Variants in SRGAP3 observed in about 807,000 individuals in gnomAD.
The protein encoded by SRGAP3 is SLIT-ROBO Rho GTPase activating protein 3.
Under a neutral mutation model 121.1 loss-of-function variants are expected in SRGAP3, and 39 were observed. The ratio of observed to expected loss-of-function variants is 0.32; its 90% CI spans 0.25 to 0.42. The LOEUF (loss-of-function observed/expected upper bound fraction) is 0.42, where lower values mean the gene tolerates loss of function less well. Ranked by LOEUF, SRGAP3 falls within the 10% of genes least tolerant of loss-of-function variation. The pLI is 1.00. For synonymous variants in SRGAP3, 601 were observed against 570.0 expected (o/e 1.05, Z -0.77); for missense variants, 1,213 against 1,470.6 (o/e 0.82, Z 2.86).
At chr3:9,038,935 A>G (rs1184399748) in intron 10 of SRGAP3, among the ~76,000 whole-genome samples, 1 of 152,118 alleles carries the variant, frequency 6.6e-6, no homozygotes, top group Non-Finnish European at 1.5e-5. Flanking sequence ...CCTTCCAGCT[A>G]CATCCTCATT....
At chr3:9,013,203 G>T in intron 17 of SRGAP3, 105 bp downstream of exon 17, 1 of 1,112,390 alleles carries the variant, frequency 9.0e-7, no homozygotes, top group East Asian at 2.6e-5. Context: ...GTATATGGAA[G>T]CACCGACTAT....
intron 3 of SRGAP3, among the ~76,000 whole-genome samples, chr3:9,287,008 T>C (rs957235639): frequency 6.8e-6 from 1 of 146,874 alleles, no homozygotes; most frequent in African/African-American, 2.5e-5. Context: ...TTTTTTTTTT[T>C]TGGGACAGGG....
At chr3:9,252,833 C>A (rs1437547543), upstream of SRGAP3, among the ~76,000 whole-genome samples, 4 of 152,106 alleles carry the variant, frequency 2.6e-5, no homozygotes, top group African/African-American at 9.7e-5. Context: ...GTAACAGAAA[C>A]CAGATTTGTC....
intron 1 of SRGAP3, among the ~76,000 whole-genome samples, chr3:9,160,704 C>G (rs1950575670): frequency 6.6e-6 from 1 of 152,100 alleles, no homozygotes; most frequent in Non-Finnish European, 1.5e-5. Context: ...TATTTCACAG[C>G]AATAAATATT....
chr3:9,186,260 CCTT>C (rs1322534957), intron 1 of SRGAP3, among the ~76,000 whole-genome samples: 1 of 152,142 alleles, frequency 6.6e-6, no homozygotes, highest in African/African-American at 2.4e-5. Flanking sequence ...GAAGCCTTGT[CCTT>C]CTCTCCCAAA....
chr3:9,223,262 T>C (rs1356611823), intron 1 of SRGAP3, among the ~76,000 whole-genome samples: 1 of 152,216 alleles, frequency 6.6e-6, no homozygotes, highest in East Asian at 1.9e-4. Context: ...AAAGACCATA[T>C]GGCCCACAAA....
chr3:9,313,662 G>A (rs939443516), intron 3 of SRGAP3, among the ~76,000 whole-genome samples: 1 of 151,100 alleles, frequency 6.6e-6, no homozygotes, highest in African/African-American at 2.4e-5. Context: ...GGGTGACAGA[G>A]CAAGACTCTA....
At chr3:9,032,861 G>T (rs1425417432) in intron 11 of SRGAP3, 109 bp from the exon 12 acceptor site, 1 of 996,436 alleles carries the variant, frequency 1.0e-6, no homozygotes, top group African/African-American at 1.6e-5. Flanking sequence ...AATGTAAATG[G>T]AAGCCCCTGA....
chr3:9,176,167 G>A (rs1154384), intron 1 of SRGAP3, among the ~76,000 whole-genome samples: 23 of 152,062 alleles, frequency 1.5e-4, no homozygotes, highest in Middle Eastern at 3.4e-3. Context: ...TAATCCACCC[G>A]CCTCGGCCTC....
intron 1 of SRGAP3, among the ~76,000 whole-genome samples, chr3:9,180,594 G>A (rs946928038): frequency 7.2e-5 from 11 of 152,152 alleles, no homozygotes; most frequent in Admixed American, 3.9e-4. Context: ...AGTGGAAGGC[G>A]TGGGCAAAAG....
At chr3:9,276,303 T>C (rs1163136485) in intron 3 of SRGAP3, among the ~76,000 whole-genome samples, 1 of 152,082 alleles carries the variant, frequency 6.6e-6, no homozygotes, top group African/African-American at 2.4e-5. Flanking sequence ...GTCCCCTAGT[T>C]AGCTTTTCCT....
chr3:9,094,672 A>T (rs1250091086), intron 3 of SRGAP3, among the ~76,000 whole-genome samples: 1 of 152,164 alleles, frequency 6.6e-6, no homozygotes, highest in African/African-American at 2.4e-5. Flanking sequence ...GTCAGATTGT[A>T]TCTCATTTTG....
At chr3:9,227,927 G>A (rs1163802308) in intron 1 of SRGAP3, among the ~76,000 whole-genome samples, 2 of 152,160 alleles carry the variant, frequency 1.3e-5, no homozygotes, top group African/African-American at 4.8e-5. Context: ...ATGACAGGGA[G>A]TCTCCATGGT....
At chr3:9,255,345 C>T (rs1026246293) in intron 3 of SRGAP3, among the ~76,000 whole-genome samples, 1 of 152,214 alleles carries the variant, frequency 6.6e-6, no homozygotes, top group East Asian at 1.9e-4. Flanking sequence ...GAAACACGGG[C>T]TCTAACAATG....
At chr3:9,283,101 T>C (rs1453077891) in intron 3 of SRGAP3, among the ~76,000 whole-genome samples, 2 of 152,048 alleles carry the variant, frequency 1.3e-5, no homozygotes, top group African/African-American at 4.8e-5. Flanking sequence ...CCATTATACC[T>C]GGCTAGTTTT....
intron 14 of SRGAP3, among the ~76,000 whole-genome samples, chr3:9,022,293 A>C (rs553703553): frequency 6.6e-6 from 1 of 152,336 alleles, no homozygotes; most frequent in Non-Finnish European, 1.5e-5. Flanking sequence ...CCGCCACCGC[A>C]CTCCAGCCTG....
In SRGAP3 at chr3:9,107,147, C is replaced by T. The variant is rs571297128; in HGVS notation, c.261-2305G>A. 6.6e-5 allele frequency among the ~76,000 whole-genome samples: 10 copies of T among 152,342 alleles called. No individual in the cohort carries two copies. The South Asian group carries it at 2.1e-3, about 32-fold the overall frequency. ...ACTGCTGTGAAACAACCAGATTTCTCCTTGGCTTATAGCCTAGAGTAAAAG... is the reference window on the plus strand; with the variant it reads ...ACTGCTGTGAAACAACCAGATTTCTTCTTGGCTTATAGCCTAGAGTAAAAG... On this transcript the variant is annotated intron_variant, in intron 2 of 21. Transcript: ENST00000383836.
chr3:8,983,594 T>A lies in SRGAP3; in HGVS notation c.*1925A>T, dbSNP rs974730684. The A allele has an allele frequency of 1.3e-5, 3 of 231,290 alleles. No individual in the cohort carries two copies. The highest frequency in any genetic ancestry group is 6.6e-5 in the African/African-American group (3 of 45,322). 14.3% of individuals were successfully genotyped at this position (231,290 alleles called of 1,614,324 possible). On this transcript the variant is annotated 3_prime_UTR_variant, in exon 22 of 22. Transcript: ENST00000383836. ...TTAATGATGGAATCCAGGGCTCTTA[T>A]TAGGATGGCAGGAAAATTCCACTGC...
rs765239581 is a variant in SRGAP3 at position 9,038,067 on chromosome 3, T to C, written c.1432A>G (p.Thr478Ala). 18 of 1,614,202 alleles carry C rather than the reference T, an allele frequency of 1.1e-5. No homozygotes were observed. Among genetic ancestry groups the C allele is most frequent in the Non-Finnish European group, 1.0e-5 (12 of 1,180,022 alleles). The change falls in exon 11 of 22, where the codon ACC becomes GCC. Residue 478 changes from threonine (T) to alanine (A), a missense_variant. By Grantham distance (58) the Thr-to-Ala change is moderately conservative (BLOSUM62 0). This residue lies in a region of SRGAP3 where 793 missense variants were observed against 1,032.9 expected (regional missense o/e 0.77). Transcript: ENST00000383836. Reference protein sequence around the residue: ...GEGERAECGTTRPPCLPPKPQ... With the variant: ...GEGERAECGTARPPCLPPKPQ... ...ACACAACTCTCCCACTCTCACCTGG[T>C]GGTGCCGCATTCTGCTCTTTCCCCT...
Sources: allele counts gnomAD v4.1 joint callset (sites outside exome capture counted in the v4.1 genomes callset), GRCh38; gene constraint gnomAD v4.1.1; regional missense constraint gnomAD v4.1.1; transcripts MANE v1.5; gene names NCBI Gene and HGNC (gene_info 2026-07-23, HGNC 2026-07-21).